ZNF365: variants seen among roughly 807,000 people sequenced by gnomAD.
The protein encoded by ZNF365 is zinc finger protein 365.
A neutral mutation model predicts 35.0 loss-of-function variants in ZNF365; 22 were observed. The ratio of observed to expected loss-of-function variants is 0.63; its 90% CI spans 0.45 to 0.90. The LOEUF is 0.90. Among genes scored for constraint, ZNF365 ranks in the 40% least tolerant of loss-of-function variants. The pLI is 0.00. For missense variants in ZNF365, 448 were observed against 500.3 expected, an observed-to-expected ratio of 0.90 and a Z score of 1.00; for synonymous variants, 188 against 196.2, an observed-to-expected ratio of 0.96 and a Z score of 0.35.
intron 4 of ZNF365, among the ~76,000 whole-genome samples, chr10:62,464,421 G>A (rs1840898731): frequency 6.6e-6 from 1 of 152,206 alleles, no homozygotes; most frequent in African/African-American, 2.4e-5. Context: ...TTAAGATCCA[G>A]AGGGGCAAGG....
rs957280207 is a variant in ZNF365 at position 62,402,187 on chromosome 10, T to G, written c.*2398T>G. 1 of 986,034 alleles carries G rather than the reference T, an allele frequency of 1.0e-6. No individual in the cohort carries two copies. Among genetic ancestry groups the G allele is most frequent in the Non-Finnish European group, 1.2e-6 (1 of 829,932 alleles). The allele number at this position is 986,034 out of a possible 1,614,324, so 61.1% of individuals were successfully genotyped here. Reference sequence around the variant, plus strand: ...AATCACCAAAGTTTCTGGGAAACTATGTTCAAGGTTGAAATGGAGAGTAGA... The same window carrying G: ...AATCACCAAAGTTTCTGGGAAACTAGGTTCAAGGTTGAAATGGAGAGTAGA... On this transcript the variant is annotated 3_prime_UTR_variant, in exon 5 of 5. Transcript: ENST00000395254.
chr10:62,443,784 A>C (rs1840540681), intron 3 of ZNF365, among the ~76,000 whole-genome samples: 1 of 152,180 alleles, frequency 6.6e-6, no homozygotes, highest in Non-Finnish European at 1.5e-5. Context: ...AATAAGTGGC[A>C]ATGAGGAGGT....
At chr10:62,390,570 T>C (rs1035588967) in intron 3 of ZNF365, among the ~76,000 whole-genome samples, 9 of 152,340 alleles carry the variant, frequency 5.9e-5, no homozygotes, top group Admixed American at 4.6e-4. Context: ...AAAAGTTGGG[T>C]AGCATTTTGG....
At chr10:62,470,596 G>A (rs1280281384) in intron 4 of ZNF365, among the ~76,000 whole-genome samples, 1 of 152,172 alleles carries the variant, frequency 6.6e-6, no homozygotes, top group East Asian at 1.9e-4. Context: ...ACTTTTGATT[G>A]CCAAATTGAC....
chr10:62,401,139 C>T lies in ZNF365; in HGVS notation c.*1350C>T. The T allele has an allele frequency of 4.2e-6, 4 of 946,642 alleles. No individual in the cohort carries two copies. The highest frequency in any genetic ancestry group is 5.0e-6 in the Non-Finnish European group (4 of 794,926). 58.6% of individuals were successfully genotyped at this position (946,642 alleles called of 1,614,324 possible). On this transcript the variant is annotated 3_prime_UTR_variant, in exon 5 of 5. Coordinates refer to ENST00000395254, the MANE Select transcript of ZNF365 (RefSeq NM_014951.3). Reference sequence around the variant, plus strand: ...TTGTCCACAAATATATACATATATACATATATATAACACATACAAAATATA... The same window carrying T: ...TTGTCCACAAATATATACATATATATATATATATAACACATACAAAATATA...
rs1388007885 is a variant in ZNF365, at chr10:62,410,361, C to T, written c.924+21785C>T. Among the ~76,000 whole-genome samples, 4 of 152,036 alleles carry T rather than the reference C, an allele frequency of 2.6e-5. No homozygotes were observed. In the East Asian group the frequency reaches 5.8e-4, roughly 22 times the overall value. ...GTATGTAGAATGTATAGAGGAATCT[C>T]TCTCTCTCTCTTTTTTTGTCCTTCA... is the stretch of plus-strand genomic sequence containing the variant. On this transcript the variant is annotated intron_variant, in intron 3 of 4. Coordinates refer to the ZNF365 transcript ENST00000395255.
At chr10:62,461,024 C>T (rs925121260) in intron 4 of ZNF365, among the ~76,000 whole-genome samples, 3 of 152,298 alleles carry the variant, frequency 2.0e-5, no homozygotes, top group East Asian at 1.9e-4. Flanking sequence ...AGATCTTCTC[C>T]GTCCTACAAA....
chr10:62,466,238 A>T (rs1393569088), intron 4 of ZNF365, among the ~76,000 whole-genome samples: 1 of 152,164 alleles, frequency 6.6e-6, no homozygotes, highest in Non-Finnish European at 1.5e-5. Flanking sequence ...CCAAGCTTTC[A>T]GGTGCCACTG....
At chr10:62,454,621 T>C (rs1259170282) in intron 3 of ZNF365, among the ~76,000 whole-genome samples, 1 of 151,766 alleles carries the variant, frequency 6.6e-6, no homozygotes, top group African/African-American at 2.4e-5. Context: ...TGGTATTACA[T>C]GTGCTTCATG....
At chr10:62,438,576 A>G (rs964256355) in intron 3 of ZNF365, among the ~76,000 whole-genome samples, 2 of 152,164 alleles carry the variant, frequency 1.3e-5, no homozygotes, top group African/African-American at 4.8e-5. Flanking sequence ...AACAAGATAG[A>G]TAAAGGAAAA....
At chr10:62,414,742 T>C (rs934686602) in intron 3 of ZNF365, among the ~76,000 whole-genome samples, 3 of 152,238 alleles carry the variant, frequency 2.0e-5, no homozygotes, top group African/African-American at 7.2e-5. Flanking sequence ...ATAGTGCTTG[T>C]GGTTGCTTCT....
chr10:62,389,388 T>C (rs1839585152), intron 3 of ZNF365, among the ~76,000 whole-genome samples: 1 of 152,152 alleles, frequency 6.6e-6, no homozygotes, highest in African/African-American at 2.4e-5. Flanking sequence ...TCATTACTTA[T>C]TGAACTTTAT....
At position 62,401,510 on chromosome 10, in the gene ZNF365, A is replaced by C. The variant is rs1390355674; in HGVS notation, c.*1721A>C. On this transcript the variant is annotated 3_prime_UTR_variant, in exon 5 of 5. Coordinates refer to ENST00000395254, the MANE Select transcript of ZNF365 (RefSeq NM_014951.3). ...ATGGGGGGGGTAGATCATTCATGTG[A>C]TATATAAGCAGCTATCAAGTGGGCA... is the stretch of plus-strand genomic sequence containing the variant. The C allele has an allele frequency of 1.0e-6, 1 of 985,512 alleles. No individual in the cohort carries two copies. Among genetic ancestry groups the C allele is most frequent in the African/African-American group, 1.7e-5 (1 of 57,344 alleles). 61.0% of individuals were successfully genotyped at this position (985,512 alleles called of 1,614,324 possible).
rs938055296 is a variant in ZNF365 at position 62,388,317 on chromosome 10, C to A, written c.744-79C>A. Reference sequence around the variant, plus strand: ...AGGGTGTTAACTGACAAATAGTAGGCACTCAATAAATATGTGTTGAATGAG... The same window carrying A: ...AGGGTGTTAACTGACAAATAGTAGGAACTCAATAAATATGTGTTGAATGAG... On this transcript the variant is annotated intron_variant, in intron 2 of 4. Coordinates refer to ENST00000395254, the MANE Select transcript of ZNF365 (RefSeq NM_014951.3). 5 of 1,516,200 alleles carry A rather than the reference C, an allele frequency of 3.3e-6. No individual in the cohort carries two copies. In the Admixed American group the frequency reaches 7.1e-5, roughly 22 times the overall value. 93.9% of individuals were successfully genotyped at this position (1,516,200 alleles called of 1,614,324 possible).
At position 62,398,797 on chromosome 10, in the gene ZNF365, C is replaced by T. The variant is rs1839774171; in HGVS notation, c.962+20C>T. 5 of 1,605,888 alleles carry T rather than the reference C, an allele frequency of 3.1e-6. No homozygotes were observed. The Admixed American group carries it at 8.4e-5, about 27-fold the overall frequency. On this transcript the variant is annotated intron_variant, in intron 4 of 4. Transcript: ENST00000395254. ...ATGCCTGTATGTATGTATTTTTATACTTGGGCCATTTGATAATGTTTGTAT... is the reference window on the plus strand; with the variant it reads ...ATGCCTGTATGTATGTATTTTTATATTTGGGCCATTTGATAATGTTTGTAT...
chr10:62,435,480 A>G (rs937595604), intron 3 of ZNF365, among the ~76,000 whole-genome samples: 6 of 152,208 alleles, frequency 3.9e-5, no homozygotes, highest in African/African-American at 1.4e-4. Context: ...GGAATAGTGC[A>G]AGGCTCTCCA....
intron 3 of ZNF365, among the ~76,000 whole-genome samples, chr10:62,389,281 G>A (rs1257451428): frequency 1.3e-5 from 2 of 150,248 alleles, no homozygotes; most frequent in Admixed American, 1.3e-4. Context: ...TCGATGGGGG[G>A]CGGGGGTGGG....
rs1364680163 is a variant in ZNF365 at position 62,374,410 on chromosome 10, A to G, written c.-62A>G. ...CTGCTGAAAACCGCTTCGCTCCCGCAGCATCAGCACCGGAGGCGGCGGCTG... is the reference window on the plus strand; with the variant it reads ...CTGCTGAAAACCGCTTCGCTCCCGCGGCATCAGCACCGGAGGCGGCGGCTG... On this transcript the variant is annotated 5_prime_UTR_variant, in exon 1 of 5. Transcript: ENST00000395254. 1 of 144,056 alleles carries G rather than the reference A, an allele frequency of 6.9e-6. No homozygotes were observed. Among genetic ancestry groups the G allele is most frequent in the Admixed American group, 7.0e-5 (1 of 14,360 alleles). The allele number at this position is 144,056 out of a possible 1,614,324, so 8.9% of individuals were successfully genotyped here. A position where few individuals can be genotyped will look rare whatever the true frequency, so the allele number is the denominator to read the frequency against.
In ZNF365 at chr10:62,399,584, A is replaced by C; in HGVS notation, c.1019A>C (p.His340Pro). The C allele has an allele frequency of 6.2e-7, 1 of 1,613,962 alleles. No individual in the cohort carries two copies. Among genetic ancestry groups the C allele is most frequent in the South Asian group, 1.1e-5 (1 of 91,058 alleles). ...CACCCTGATCTCAAGGCCCATTTCC[A>C]CCCAAAGGGAAGGAACCACCTGAAA... ...CNHPDLKAHF[H>P]PKGRNHLKKA... The change falls in exon 5 of 5, where the codon CAC (histidine) becomes CCC (proline). Residue 340 changes from histidine to proline, a missense_variant. His to Pro is a moderately conservative substitution (Grantham distance 77). This residue lies in a region of ZNF365 where 362 missense variants were observed against 375.7 expected (regional missense o/e 0.96). Coordinates refer to ENST00000395254, the MANE Select transcript of ZNF365 (RefSeq NM_014951.3).
Sources: allele counts gnomAD v4.1 joint callset (sites outside exome capture counted in the v4.1 genomes callset), GRCh38; gene constraint gnomAD v4.1.1; regional missense constraint gnomAD v4.1.1; transcripts MANE v1.5; gene names NCBI Gene and HGNC (gene_info 2026-07-23, HGNC 2026-07-21).